Variants in ADAMTSL1 observed in about 807,000 individuals in gnomAD.
The protein encoded by ADAMTSL1 is ADAMTS-like protein 1.
A neutral mutation model predicts 201.8 loss-of-function variants in ADAMTSL1; 126 were observed. The ratio of observed to expected loss-of-function variants is 0.62; its 90% CI spans 0.54 to 0.72. The LOEUF is 0.72. Ranked by LOEUF, ADAMTSL1 falls within the 30% of genes least tolerant of loss-of-function variation. ADAMTSL1 has a pLI of 0.00. For missense variants in ADAMTSL1, 2,679 were observed against 2,277.8 expected, an observed-to-expected ratio of 1.18 and a Z score of -3.59; for synonymous variants, 1,121 against 903.4, an observed-to-expected ratio of 1.24 and a Z score of -4.32.
chr9:18,165,828 A>G (rs548579667), intron 2 of ADAMTSL1, among the ~76,000 whole-genome samples: 2 of 152,054 alleles, frequency 1.3e-5, no homozygotes, highest in Admixed American at 1.3e-4. Context: ...TGAAAGTGTA[A>G]CTTTATTTCC....
intron 1 of ADAMTSL1, among the ~76,000 whole-genome samples, chr9:18,137,785 A>G (rs1361290668): frequency 6.6e-6 from 1 of 152,236 alleles, no homozygotes; most frequent in East Asian, 1.9e-4. Context: ...TTTAGTAGCC[A>G]AAAGTTCCAC....
chr9:18,315,328 G>A (rs533860688), intron 2 of ADAMTSL1, among the ~76,000 whole-genome samples: 7 of 152,208 alleles, frequency 4.6e-5, no homozygotes, highest in South Asian at 2.1e-4. Flanking sequence ...AGTGCATCCC[G>A]CGCCAGGGTC....
At chr9:18,837,371 G>C (rs946019442) in intron 23 of ADAMTSL1, among the ~76,000 whole-genome samples, 15 of 152,290 alleles carry the variant, frequency 9.8e-5, no homozygotes, top group African/African-American at 3.6e-4. Context: ...TCTCCACTGA[G>C]TTGCCTTTGC....
intron 1 of ADAMTSL1, among the ~76,000 whole-genome samples, chr9:18,129,522 C>T (rs1471113220): frequency 6.6e-6 from 1 of 152,076 alleles, no homozygotes; most frequent in Non-Finnish European, 1.5e-5. Context: ...CAATATCATC[C>T]CTTTTCTGTG....
At chr9:18,474,381 G>T (rs1821348290) in intron 1 of ADAMTSL1, 86 bp downstream of exon 1, 1 of 1,274,466 alleles carries the variant, frequency 7.8e-7, no homozygotes, top group Admixed American at 1.7e-5. Flanking sequence ...GTGTTTGTGT[G>T]TGTGTGTGTG....
intron 1 of ADAMTSL1, among the ~76,000 whole-genome samples, chr9:18,005,046 G>C (rs185562547): frequency 3.9e-5 from 6 of 152,118 alleles, no homozygotes; most frequent in Non-Finnish European, 8.8e-5. Flanking sequence ...TCACAGATGA[G>C]TAAGTAGGTG....
intron 14 of ADAMTSL1, chr9:18,717,827 A>G (rs1485627153): frequency 3.0e-5 from 20 of 661,498 alleles, no homozygotes; most frequent in South Asian, 2.9e-4. Context: ...AAACTGATAT[A>G]GTAGCTTTCA....
At chr9:18,216,372 T>A (rs1457550555) in intron 2 of ADAMTSL1, among the ~76,000 whole-genome samples, 5 of 152,236 alleles carry the variant, frequency 3.3e-5, no homozygotes, top group Admixed American at 6.5e-5. Flanking sequence ...GGAGAAATTC[T>A]GCCAGGTTAT....
chr9:18,877,936 G>C (rs1300610777), intron 23 of ADAMTSL1, among the ~76,000 whole-genome samples: 8 of 152,272 alleles, frequency 5.3e-5, no homozygotes. Flanking sequence ...CTCTCCTTGG[G>C]TGGGGCTTGC....
rs568226556 is a variant in ADAMTSL1 at position 18,484,435 on chromosome 9, A to G, written c.63+10140A>G. Among the ~76,000 whole-genome samples the G allele has an allele frequency of 7.9e-5, 12 of 152,354 alleles. No individual in the cohort carries two copies. The South Asian group carries it at 2.5e-3, about 32-fold the overall frequency. Reference sequence around the variant, plus strand: ...AAACTCTAAATCTCTAAAGATTTATATTTAAGGTCATTTCTTTGACTTTTG... The same window carrying G: ...AAACTCTAAATCTCTAAAGATTTATGTTTAAGGTCATTTCTTTGACTTTTG... On this transcript the variant is annotated intron_variant, in intron 1 of 28. Transcript: ENST00000380548.
intron 2 of ADAMTSL1, among the ~76,000 whole-genome samples, chr9:18,266,876 A>G (rs1490152777): frequency 6.6e-6 from 1 of 152,168 alleles, no homozygotes; most frequent in East Asian, 1.9e-4. Flanking sequence ...AATTACAATC[A>G]TATTCCAGGT....
At chr9:18,448,384 G>A (rs1026202529) in intron 2 of ADAMTSL1, among the ~76,000 whole-genome samples, 3 of 152,072 alleles carry the variant, frequency 2.0e-5, no homozygotes, top group Admixed American at 6.6e-5. Flanking sequence ...TTGAAACTAG[G>A]ACAATGAGAT....
Position 18,777,918 on chromosome 9 carries a change from A to G in ADAMTSL1, c.3677+12A>G, listed in dbSNP as rs763126739. On this transcript the variant is annotated intron_variant, in intron 19 of 28. Coordinates refer to ENST00000380548, the MANE Select transcript of ADAMTSL1 (RefSeq NM_001040272.6). ...CAGTTCAGTGACAGGTGAGCCTTGT[A>G]GCTAACCTGGTCTTGGGAGGGAGGC... 2 of 1,527,128 alleles carry G rather than the reference A, an allele frequency of 1.3e-6. No homozygotes were observed. Among genetic ancestry groups the G allele is most frequent in the Non-Finnish European group, 1.8e-6 (2 of 1,135,204 alleles). The allele number at this position is 1,527,128 out of a possible 1,614,324, so 94.6% of individuals were successfully genotyped here.
Position 18,712,963 on chromosome 9 carries a change from G to T in ADAMTSL1, c.1876+5915G>T, listed in dbSNP as rs866215009. Among the ~76,000 whole-genome samples, 442 of 151,266 alleles carry T rather than the reference G, an allele frequency of 2.9e-3. 1 individual carries two copies. The highest frequency in any genetic ancestry group is 0.01 in the African/African-American group (419 of 41,190). ...CAATATTCAACATTCTTAAAGAAAA[G>T]AATTTTCAACCCAGAATTTCATATC... On this transcript the variant is annotated intron_variant, in intron 14 of 28. Coordinates refer to ENST00000380548, the MANE Select transcript of ADAMTSL1 (RefSeq NM_001040272.6).
intron 3 of ADAMTSL1, among the ~76,000 whole-genome samples, chr9:18,569,922 T>A (rs1310757758): frequency 6.6e-6 from 1 of 152,156 alleles, no homozygotes; most frequent in Non-Finnish European, 1.5e-5. Flanking sequence ...CAGTATTCCT[T>A]AAAGAAAACT....
At chr9:18,302,944 T>A (rs1833762417) in intron 2 of ADAMTSL1, among the ~76,000 whole-genome samples, 1 of 152,178 alleles carries the variant, frequency 6.6e-6, no homozygotes, top group Admixed American at 6.5e-5. Flanking sequence ...ATCTTAGACA[T>A]GAAGGTATCT....
At chr9:18,508,359 G>A (rs972200598) in intron 2 of ADAMTSL1, among the ~76,000 whole-genome samples, 3 of 152,066 alleles carry the variant, frequency 2.0e-5, no homozygotes, top group African/African-American at 7.2e-5. Context: ...TGTGTGTAAT[G>A]AAAGTGTGGA....
At position 18,410,846 on chromosome 9, in the gene ADAMTSL1, C is replaced by CT. The variant is rs1554674422; in HGVS notation, c.208-93968dup. On this transcript the variant is annotated intron_variant, in intron 2 of 29. Coordinates refer to the ADAMTSL1 transcript ENST00000680146. ...CTGGTAGATTTTCTGTCTTCTTCTT[C>CT]TTTTTTTTTTTTTTTAGACACAGTC... Among the ~76,000 whole-genome samples, 229 of 47,340 alleles carry CT rather than the reference C, an allele frequency of 4.8e-3. 1 individual carries two copies. Among genetic ancestry groups the CT allele is most frequent in the South Asian group, 0.043 (38 of 884 alleles). 31.1% of individuals were successfully genotyped at this position (47,340 alleles called of 152,430 possible). A position where few individuals can be genotyped will look rare whatever the true frequency, so the allele number is the denominator to read the frequency against.
At chr9:18,416,278 C>T (rs1214567931) in intron 2 of ADAMTSL1, among the ~76,000 whole-genome samples, 3 of 151,994 alleles carry the variant, frequency 2.0e-5, no homozygotes, top group Non-Finnish European at 2.9e-5. Flanking sequence ...CACTTGAAAA[C>T]GGACTATGGT....
Sources: allele counts gnomAD v4.1 joint callset (sites outside exome capture counted in the v4.1 genomes callset), GRCh38; gene constraint gnomAD v4.1.1; transcripts MANE v1.5; gene names NCBI Gene and HGNC (gene_info 2026-07-23, HGNC 2026-07-21).